The following ADGRL3 variants were observed in gnomAD, a reference collection of about 807,000 sequenced individuals.
The protein encoded by ADGRL3 is adhesion G protein-coupled receptor L3, also known as calcium-independent alpha-latrotoxin receptor 3.
ADGRL3 carries 62 observed loss-of-function variants against 153.5 expected under a neutral mutation model. The ratio of observed to expected loss-of-function variants is 0.40; its 90% CI spans 0.33 to 0.50. The LOEUF is 0.50. Ranked by LOEUF, ADGRL3 falls within the 20% of genes least tolerant of loss-of-function variation. The probability of loss-of-function intolerance (pLI) is 0.47; values close to 1 mark genes in which losing one functional copy is unlikely to be tolerated. For missense variants in ADGRL3, 1,641 were observed against 1,859.4 expected (o/e 0.88, Z 2.16); for synonymous variants, 710 against 672.5 (o/e 1.06, Z -0.86).
At chr4:61,722,843 C>T (rs1245637943) in intron 6 of ADGRL3, among the ~76,000 whole-genome samples, 2 of 151,904 alleles carry the variant, frequency 1.3e-5, no homozygotes, top group African/African-American at 4.8e-5. Flanking sequence ...AAAATATCAA[C>T]TCAAACTAAA....
At chr4:62,057,899 G>T (rs917867951) in intron 25 of ADGRL3, among the ~76,000 whole-genome samples, 11 of 152,026 alleles carry the variant, frequency 7.2e-5, no homozygotes, top group African/African-American at 2.7e-4. Context: ...GGCTGATATC[G>T]AGCTCCTGAT....
intron 5 of ADGRL3, among the ~76,000 whole-genome samples, chr4:61,670,763 C>A (rs938729116): frequency 6.6e-6 from 1 of 152,110 alleles, no homozygotes; most frequent in East Asian, 1.9e-4. Flanking sequence ...GTAAAGTTCC[C>A]CCCAGGGGTG....
chr4:61,909,462 CGAT>C (rs2098711823), intron 11 of ADGRL3, 95 bp from the exon 12 acceptor site: 1 of 754,186 alleles, frequency 1.3e-6, no homozygotes, highest in African/African-American at 1.8e-5. Context: ...TTTCTTGAAT[CGAT>C]GATTACAATT....
chr4:61,799,010 T>A (rs1376610846), intron 8 of ADGRL3, among the ~76,000 whole-genome samples: 8 of 98,472 alleles, frequency 8.1e-5, no homozygotes, highest in African/African-American at 2.3e-4. Flanking sequence ...TATATATATA[T>A]ATATATATAT....
chr4:61,769,398 A>T lies in ADGRL3; in HGVS notation c.1399+35844A>T, dbSNP rs529703805. Among the ~76,000 whole-genome samples the T allele has an allele frequency of 3.0e-3, 451 of 152,162 alleles. 3 individuals are homozygous for T. The highest frequency in any genetic ancestry group is 5.3e-3 in the Non-Finnish European group (363 of 68,022). ...AGAGTAAAAAGAGGCCGCTTACCGG[A>T]TTTGAAATTGGTGAGATGTTTCTTG... On this transcript the variant is annotated intron_variant, in intron 8 of 26. Coordinates refer to ENST00000683033, the MANE Select transcript of ADGRL3 (RefSeq NM_001387552.1).
chr4:61,966,526 A>G (rs971820252), intron 17 of ADGRL3, among the ~76,000 whole-genome samples: 2 of 151,254 alleles, frequency 1.3e-5, no homozygotes, highest in African/African-American at 4.9e-5. Context: ...CAGCTGTTCT[A>G]CCCTACTCCA....
intron 3 of ADGRL3, among the ~76,000 whole-genome samples, chr4:61,513,149 T>A (rs2098472558): frequency 6.6e-6 from 1 of 152,146 alleles, no homozygotes; most frequent in South Asian, 2.1e-4. Flanking sequence ...CTGTTATGAT[T>A]AATAGCTATT....
At chr4:61,237,714 T>C in intron 1 of ADGRL3, among the ~76,000 whole-genome samples, 1 of 152,330 alleles carries the variant, frequency 6.6e-6, no homozygotes, top group East Asian at 1.9e-4. Context: ...CTCATGAAGT[T>C]TTGCATTAGC....
At chr4:61,895,481 T>C (rs1168146862) in intron 10 of ADGRL3, among the ~76,000 whole-genome samples, 1 of 151,298 alleles carries the variant, frequency 6.6e-6, no homozygotes, top group Admixed American at 6.6e-5. Flanking sequence ...ATAATAATAA[T>C]AATAATAATA....
chr4:61,506,191 G>A (rs902101347), intron 3 of ADGRL3, among the ~76,000 whole-genome samples: 10 of 152,054 alleles, frequency 6.6e-5, no homozygotes, highest in Admixed American at 6.6e-5. Flanking sequence ...GTTATAGTAT[G>A]AGGATTAAAT....
intron 5 of ADGRL3, among the ~76,000 whole-genome samples, chr4:61,603,177 C>T (rs2099018657): frequency 6.6e-6 from 1 of 152,120 alleles, no homozygotes; most frequent in Admixed American, 6.6e-5. Flanking sequence ...GTCACCCACA[C>T]AGTATTTACA....
chr4:61,901,340 A>G (rs958443141), intron 11 of ADGRL3, among the ~76,000 whole-genome samples: 6 of 152,186 alleles, frequency 3.9e-5, no homozygotes, highest in South Asian at 4.1e-4. Flanking sequence ...GCCATTTTAC[A>G]TCATTTGACA....
chr4:61,386,456 A>G (rs1018367648), intron 2 of ADGRL3, among the ~76,000 whole-genome samples: 2 of 152,200 alleles, frequency 1.3e-5, no homozygotes, highest in Non-Finnish European at 2.9e-5. Flanking sequence ...AATAAATAGT[A>G]AGATTTGTAA....
intron 21 of ADGRL3, among the ~76,000 whole-genome samples, chr4:62,028,625 T>A (rs1483345858): frequency 2.6e-5 from 4 of 151,800 alleles, no homozygotes; most frequent in Non-Finnish European, 5.9e-5. Flanking sequence ...AAATGGAATT[T>A]TGAGTCTTAG....
chr4:61,665,131 C>T (rs1363731289), intron 5 of ADGRL3, among the ~76,000 whole-genome samples: 1 of 151,488 alleles, frequency 6.6e-6, no homozygotes, highest in Non-Finnish European at 1.5e-5. Flanking sequence ...GGCAGAACTG[C>T]CGGGCGCGGT....
intron 1 of ADGRL3, among the ~76,000 whole-genome samples, chr4:61,240,227 G>T (rs1193840519): frequency 6.6e-6 from 1 of 152,006 alleles, no homozygotes; most frequent in Non-Finnish European, 1.5e-5. Flanking sequence ...GCAAAAAGGG[G>T]CCCAGCTATT....
chr4:61,641,156 A>G (rs2093648298), intron 5 of ADGRL3, among the ~76,000 whole-genome samples: 1 of 152,152 alleles, frequency 6.6e-6, no homozygotes, highest in Non-Finnish European at 1.5e-5. Context: ...TAGGAATAAG[A>G]ATAATAATAC....
At chr4:61,568,865 C>T (rs1037842519) in intron 4 of ADGRL3, among the ~76,000 whole-genome samples, 2 of 151,968 alleles carry the variant, frequency 1.3e-5, no homozygotes, top group Non-Finnish European at 2.9e-5. Context: ...TTAATCTAAT[C>T]GTTGAGATGA....
intron 6 of ADGRL3, among the ~76,000 whole-genome samples, chr4:61,726,216 T>TTTTTTTTTTTTTTTTTTTTTTTTTA (rs1384390790): frequency 1.3e-5 from 2 of 148,934 alleles, no homozygotes; most frequent in East Asian, 2.0e-4. Context: ...TTTTGTTTTT[T>TTTTTTTTTTTTTTTTTTTTTTTTTA]GAGAAGGAGT....
Sources: gnomAD v4.1 joint callset for allele counts (sites outside exome capture counted in the v4.1 genomes callset) on GRCh38, gnomAD v4.1.1 for gene constraint, MANE v1.5 for transcripts, NCBI Gene and HGNC (gene_info 2026-07-23, HGNC 2026-07-21) for gene names.